GFM1: variants seen among roughly 807,000 people sequenced by gnomAD.
The protein encoded by GFM1 is G elongation factor mitochondrial 1.
A neutral mutation model predicts 96.2 loss-of-function variants in GFM1; 62 were observed. That is an observed-to-expected ratio of 0.64 (90% CI 0.53 to 0.80). The LOEUF is 0.80. Among genes scored for constraint, GFM1 ranks in the 30% least tolerant of loss-of-function variants. GFM1 has a pLI of 0.00. For synonymous variants in GFM1, 282 were observed against 312.9 expected (o/e 0.90, Z 1.04); for missense variants, 852 against 916.6 (o/e 0.93, Z 0.91).
Position 158,660,947 on chromosome 3 carries a change from C to T in GFM1, c.1295C>T (p.Thr432Ile), listed in dbSNP as rs775493991. Residue 432 changes from threonine to isoleucine, a missense_variant, in exon 10 of 18, where the codon ACA becomes ATA. By Grantham distance (89) the Thr-to-Ile change is moderately conservative. Transcript: ENST00000486715. ...GIDCASGDTF[T>I]DKANSGLSME... ...GACTGTGCTAGTGGAGACACATTCACAGACAAAGCCAACAGCGGCCTTTCT... is the reference window on the plus strand; with the variant it reads ...GACTGTGCTAGTGGAGACACATTCATAGACAAAGCCAACAGCGGCCTTTCT... The T allele has an allele frequency of 1.3e-5, 21 of 1,613,878 alleles. No individual in the cohort carries two copies. The highest frequency in any genetic ancestry group is 1.7e-5 in the Non-Finnish European group (20 of 1,179,784).
intron 11 of GFM1, among the ~76,000 whole-genome samples, chr3:158,665,103 T>TTCTA (rs1723532390): frequency 6.6e-6 from 1 of 152,196 alleles, no homozygotes; most frequent in Non-Finnish European, 1.5e-5. Flanking sequence ...GACTCTTGTT[T>TTCTA]TCTATCTTGG....
intron 13 of GFM1, chr3:158,672,632 T>C: frequency 1.2e-6 from 1 of 860,844 alleles, no homozygotes; most frequent in East Asian, 3.0e-5. Context: ...TCCTTCCGAC[T>C]CCGGAAGCTG....
Position 158,684,441 on chromosome 3 carries a change from G to T in GFM1, c.1765-83G>T. On this transcript the variant is annotated intron_variant, in intron 14 of 17. Transcript: ENST00000486715. ...AGCACACATAAAAACGTACACTTCT[G>T]AACACAAATATTTTGGGGTTCTTGA... 3 of 1,413,380 alleles carry T rather than the reference G, an allele frequency of 2.1e-6. No individual in the cohort carries two copies. The South Asian group carries it at 3.5e-5, about 16-fold the overall frequency. 87.6% of individuals were successfully genotyped at this position (1,413,380 alleles called of 1,614,324 possible).
In GFM1 at chr3:158,646,127, G is replaced by A. The variant is rs1376230499; in HGVS notation, c.235-38G>A. 7 of 1,613,550 alleles carry A rather than the reference G, an allele frequency of 4.3e-6. No homozygotes were observed. The South Asian group carries it at 6.6e-5, about 15-fold the overall frequency. On this transcript the variant is annotated intron_variant, in intron 2 of 17. Transcript: ENST00000486715. Reference sequence around the variant, plus strand: ...AGATTTCTTTCCTTCTTGGAATGCAGGGACAGAGAAAGTCTGAATTGCTGT... The same window carrying A: ...AGATTTCTTTCCTTCTTGGAATGCAAGGACAGAGAAAGTCTGAATTGCTGT...
chr3:158,683,893 A>G (rs1725612464), intron 14 of GFM1, among the ~76,000 whole-genome samples: 1 of 152,224 alleles, frequency 6.6e-6, no homozygotes, highest in Non-Finnish European at 1.5e-5. Flanking sequence ...ATGCCACGAT[A>G]ATAAAACTTA....
At chr3:158,662,010 A>G (rs1723239168) in intron 10 of GFM1, among the ~76,000 whole-genome samples, 1 of 152,212 alleles carries the variant, frequency 6.6e-6, no homozygotes, top group Admixed American at 6.5e-5. Context: ...CATTAGCAAC[A>G]TGAAGTGATT....
chr3:158,654,576 T>G lies in GFM1; in HGVS notation c.1028T>G (p.Met343Arg), dbSNP rs1302031732. ...DDSKEKTKIL[M>R]NSSRDNSHPF... Reference sequence around the variant, plus strand: ...TCAAAAGAGAAAACCAAAATCCTAATGAACTCCAGTAGAGACAATTCCCAC... The same window carrying G: ...TCAAAAGAGAAAACCAAAATCCTAAGGAACTCCAGTAGAGACAATTCCCAC... The change falls in exon 8 of 18, where the codon ATG becomes AGG. Residue 343 changes from methionine to arginine, a missense_variant. Met to Arg is a moderately conservative substitution (Grantham distance 91). Transcript: ENST00000486715. 2 of 1,612,586 alleles carry G rather than the reference T, an allele frequency of 1.2e-6. No individual in the cohort carries two copies. Among genetic ancestry groups the G allele is most frequent in the African/African-American group, 2.7e-5 (2 of 74,912 alleles).
chr3:158,666,536 A>AC, intron 13 of GFM1, 150 bp downstream of exon 13: 1 of 1,180,442 alleles, frequency 8.5e-7, no homozygotes, highest in East Asian at 2.4e-5. Context: ...TAATCAAGAC[A>AC]TTTATATAAA....
In GFM1 at chr3:158,692,207, A is replaced by AGG. The variant is rs1361451142; in HGVS notation, c.*741_*742dup. Reference sequence around the variant, plus strand: ...GCAAATTTGTAACTGCCTCTGTTTTAGGAGTATAAGTATTACTTCCTTGTG... The same window carrying AGG: ...GCAAATTTGTAACTGCCTCTGTTTTAGGGGAGTATAAGTATTACTTCCTTGTG... On this transcript the variant is annotated 3_prime_UTR_variant, in exon 18 of 18. Coordinates refer to ENST00000486715, the MANE Select transcript of GFM1 (RefSeq NM_024996.7). The AGG allele has an allele frequency of 6.6e-6, 1 of 152,354 alleles. No homozygotes were observed. The highest frequency in any genetic ancestry group is 1.5e-5 in the Non-Finnish European group (1 of 68,170). The allele number at this position is 152,354 out of a possible 1,614,324, so 9.4% of individuals were successfully genotyped here.
intron 9 of GFM1, among the ~76,000 whole-genome samples, chr3:158,660,033 C>T (rs1723072644): frequency 6.6e-6 from 1 of 152,140 alleles, no homozygotes; most frequent in African/African-American, 2.4e-5. Flanking sequence ...AGCTTGGAGG[C>T]ACCAATGCTT....
At chr3:158,673,509 T>A (rs913681174) in intron 13 of GFM1, among the ~76,000 whole-genome samples, 1 of 81,492 alleles carries the variant, frequency 1.2e-5, no homozygotes, top group African/African-American at 6.8e-5. Flanking sequence ...TTTTCTTTTC[T>A]TTTTTTTTTT....
intron 13 of GFM1, among the ~76,000 whole-genome samples, chr3:158,675,143 C>T (rs886116212): frequency 2.6e-5 from 4 of 151,802 alleles, no homozygotes; most frequent in South Asian, 4.2e-4. Flanking sequence ...AAAAATTAGC[C>T]GGGCGTGGCG....
intron 13 of GFM1, chr3:158,666,881 T>C (rs1173366756): frequency 6.9e-7 from 1 of 1,442,960 alleles, no homozygotes; most frequent in Non-Finnish European, 9.4e-7. Context: ...AATTATAATA[T>C]ACTTAAATCT....
At chr3:158,686,934 T>C (rs1725912931) in intron 15 of GFM1, among the ~76,000 whole-genome samples, 1 of 151,966 alleles carries the variant, frequency 6.6e-6, no homozygotes, top group South Asian at 2.1e-4. Flanking sequence ...GGGTTCACCA[T>C]GTTGACCAGG....
intron 13 of GFM1, chr3:158,669,471 T>G: frequency 6.2e-7 from 1 of 1,613,976 alleles, no homozygotes; most frequent in East Asian, 2.2e-5. Flanking sequence ...CTTCATGGAC[T>G]TAAGTCTTTG....
At chr3:158,670,242 AT>A (rs1724146857) in intron 13 of GFM1, among the ~76,000 whole-genome samples, 1 of 152,188 alleles carries the variant, frequency 6.6e-6, no homozygotes, top group South Asian at 2.1e-4. Flanking sequence ...AATCTTTAAA[AT>A]TTCCCTTCCC....
At chr3:158,663,054 C>G (rs754309572) in intron 11 of GFM1, among the ~76,000 whole-genome samples, 1 of 152,102 alleles carries the variant, frequency 6.6e-6, no homozygotes, top group Non-Finnish European at 1.5e-5. Context: ...GAATGTTGAA[C>G]TGATTAATTG....
chr3:158,682,989 C>T (rs1444127730), intron 14 of GFM1, among the ~76,000 whole-genome samples: 1 of 151,326 alleles, frequency 6.6e-6, no homozygotes, highest in African/African-American at 2.4e-5. Flanking sequence ...GAGCTGTGCA[C>T]CACTGCCCTC....
chr3:158,647,004 A>C, intron 4 of GFM1, 57 bp downstream of exon 4: 1 of 1,322,094 alleles, frequency 7.6e-7, no homozygotes, highest in Non-Finnish European at 1.1e-6. Context: ...CAAACCTTAT[A>C]TCCAAAAGGG....
Sources: allele counts gnomAD v4.1 joint callset (sites outside exome capture counted in the v4.1 genomes callset), GRCh38; gene constraint gnomAD v4.1.1; transcripts MANE v1.5; gene names NCBI Gene and HGNC (gene_info 2026-07-23, HGNC 2026-07-21).